The following SLIT3 variants were observed in gnomAD, a reference collection of about 807,000 sequenced individuals.
The protein encoded by SLIT3 is slit guidance ligand 3, also known as slit homolog 3 protein.
In SLIT3, 68 loss-of-function variants were observed where a neutral mutation model predicts 184.0. The observed-to-expected ratio is 0.37, with a 90% CI of 0.30 to 0.45. The LOEUF is 0.45. Ranked by LOEUF, SLIT3 falls within the 20% of genes least tolerant of loss-of-function variation. The probability of loss-of-function intolerance (pLI) is 1.00; values close to 1 mark genes in which losing one functional copy is unlikely to be tolerated. For synonymous variants in SLIT3, 831 were observed against 828.6 expected, an observed-to-expected ratio of 1.00 and a Z score of -0.05; for missense variants, 1,707 against 2,026.0, an observed-to-expected ratio of 0.84 and a Z score of 3.02.
intron 18 of SLIT3, chr5:168,752,623 C>T (rs1441464355): frequency 1.2e-5 from 3 of 242,342 alleles, no homozygotes; most frequent in Non-Finnish European, 2.4e-5. Context: ...TCGAATTCCT[C>T]ACCTCAGGTG....
intron 4 of SLIT3, among the ~76,000 whole-genome samples, chr5:169,062,137 T>C (rs539171317): frequency 1.8e-4 from 27 of 152,042 alleles, no homozygotes; most frequent in African/African-American, 6.0e-4. Flanking sequence ...TGAGCCGAGA[T>C]CACGCCACTG....
chr5:169,273,375 T>C (rs1766694721), intron 1 of SLIT3, among the ~76,000 whole-genome samples: 1 of 152,180 alleles, frequency 6.6e-6, no homozygotes, highest in Non-Finnish European at 1.5e-5. Context: ...GAGGCGTGCA[T>C]AGCTTCCCAC....
chr5:169,245,820 C>T (rs531466477), intron 2 of SLIT3, among the ~76,000 whole-genome samples: 2 of 152,286 alleles, frequency 1.3e-5, no homozygotes, highest in Middle Eastern at 3.4e-3. Flanking sequence ...ACCTCCTGCA[C>T]TTCTCAGCCT....
At chr5:169,130,199 A>G (rs941617834) in intron 4 of SLIT3, among the ~76,000 whole-genome samples, 9 of 152,190 alleles carry the variant, frequency 5.9e-5, no homozygotes, top group Non-Finnish European at 4.4e-5. Context: ...CTATTAATGA[A>G]GGAAACCAGA....
At chr5:169,210,975 G>C (rs1764246996) in intron 3 of SLIT3, among the ~76,000 whole-genome samples, 1 of 152,176 alleles carries the variant, frequency 6.6e-6, no homozygotes, top group African/African-American at 2.4e-5. Flanking sequence ...GATGTGAGCA[G>C]AGATTTTAAA....
chr5:169,103,586 TAAG>T (rs1760095842), intron 4 of SLIT3, among the ~76,000 whole-genome samples: 1 of 152,220 alleles, frequency 6.6e-6, no homozygotes, highest in South Asian at 2.1e-4. Flanking sequence ...ATGCAGGGAT[TAAG>T]TTCCCTGTCT....
chr5:168,707,146 A>T (rs1198532450), intron 26 of SLIT3: 3 of 152,274 alleles, frequency 2.0e-5, no homozygotes, highest in African/African-American at 7.2e-5. Context: ...TCTTAATCAC[A>T]GCTCTACTGC....
At chr5:168,797,052 C>T (rs892288875) in intron 9 of SLIT3, among the ~76,000 whole-genome samples, 1 of 151,606 alleles carries the variant, frequency 6.6e-6, no homozygotes, top group Non-Finnish European at 1.5e-5. Flanking sequence ...TTGTACCCTG[C>T]TGGAGGGGGG....
intron 1 of SLIT3, among the ~76,000 whole-genome samples, chr5:169,268,230 G>A (rs1287097494): frequency 1.3e-5 from 2 of 152,164 alleles, no homozygotes; most frequent in East Asian, 3.9e-4. Context: ...GGCGGAGGGG[G>A]GAATGTGATG....
At chr5:169,161,797 G>C (rs887021121) in intron 4 of SLIT3, among the ~76,000 whole-genome samples, 4 of 152,132 alleles carry the variant, frequency 2.6e-5, no homozygotes, top group African/African-American at 9.7e-5. Context: ...TGAGGGTGGG[G>C]CCTCAGGAGC....
At chr5:169,269,643 G>A (rs183177019) in intron 1 of SLIT3, among the ~76,000 whole-genome samples, 114 of 152,356 alleles carry the variant, frequency 7.5e-4, no homozygotes, top group African/African-American at 2.5e-3. Context: ...GTCTGACAGT[G>A]GGACCAGAGT....
At chr5:169,203,351 G>GCACACACACACACACACA (rs36206656) in intron 3 of SLIT3, among the ~76,000 whole-genome samples, 7 of 147,534 alleles carry the variant, frequency 4.7e-5, no homozygotes, top group African/African-American at 1.8e-4. Context: ...ATGTGAATGT[G>GCACACACACACACACACA]CACACACACA....
At chr5:169,007,021 A>C (rs983623465) in intron 4 of SLIT3, among the ~76,000 whole-genome samples, 2 of 152,044 alleles carry the variant, frequency 1.3e-5, no homozygotes, top group African/African-American at 4.8e-5. Flanking sequence ...CCAGGGGTCA[A>C]GGGAGGGACC....
intron 4 of SLIT3, among the ~76,000 whole-genome samples, chr5:168,886,653 G>A (rs1158603801): frequency 6.6e-6 from 1 of 152,136 alleles, no homozygotes; most frequent in Admixed American, 6.5e-5. Flanking sequence ...CTAGAAGAAA[G>A]GCATGAGATT....
At chr5:168,832,254 A>G (rs779965568) in intron 6 of SLIT3, among the ~76,000 whole-genome samples, 3 of 152,254 alleles carry the variant, frequency 2.0e-5, no homozygotes, top group Non-Finnish European at 4.4e-5. Context: ...TCCAACTTAC[A>G]TTACTGGACA....
In SLIT3 at chr5:169,293,570, T is replaced by G. The variant is rs1453321290; in HGVS notation, c.197+6943A>C. Reference sequence around the variant, plus strand: ...AGGGTGCCCTTGGTTCCAGGCAGCCTATGTGGATTAATACAGCATCCTTTG... The same window carrying G: ...AGGGTGCCCTTGGTTCCAGGCAGCCGATGTGGATTAATACAGCATCCTTTG... On this transcript the variant is annotated intron_variant, in intron 1 of 35. Transcript: ENST00000519560. Among the ~76,000 whole-genome samples, 3 of 152,198 alleles carry G rather than the reference T, an allele frequency of 2.0e-5. No individual in the cohort carries two copies. In the East Asian group the frequency reaches 5.8e-4, roughly 29 times the overall value.
At chr5:169,128,800 A>T (rs1016971624) in intron 4 of SLIT3, among the ~76,000 whole-genome samples, 4 of 152,190 alleles carry the variant, frequency 2.6e-5, no homozygotes, top group African/African-American at 9.7e-5. Flanking sequence ...TTGCCAGCCA[A>T]CATGGACGGT....
At chr5:169,233,332 A>G (rs938376656) in intron 3 of SLIT3, among the ~76,000 whole-genome samples, 1 of 151,164 alleles carries the variant, frequency 6.6e-6, no homozygotes, top group East Asian at 1.9e-4. Context: ...CGGCATTGGT[A>G]TTTTTTGGTG....
intron 3 of SLIT3, among the ~76,000 whole-genome samples, chr5:169,240,047 T>C (rs1001406717): frequency 6.6e-6 from 1 of 152,088 alleles, no homozygotes; most frequent in Admixed American, 6.5e-5. Context: ...TTTAGAGGTA[T>C]ATTACTGAAT....
Sources: gnomAD v4.1 joint callset for allele counts (sites outside exome capture counted in the v4.1 genomes callset) on GRCh38, gnomAD v4.1.1 for gene constraint, MANE v1.5 for transcripts, NCBI Gene and HGNC (gene_info 2026-07-23, HGNC 2026-07-21) for gene names.